Variants in SEPTIN4 observed in about 807,000 individuals in gnomAD.
The protein encoded by SEPTIN4 is septin 4.
A neutral mutation model predicts 107.1 loss-of-function variants in SEPTIN4; 52 were observed. The observed-to-expected ratio is 0.49, with a 90% CI of 0.39 to 0.61. SEPTIN4 has a LOEUF of 0.61. Ranked by LOEUF, SEPTIN4 falls within the 20% of genes least tolerant of loss-of-function variation. The pLI, the probability that SEPTIN4 is intolerant of heterozygous loss-of-function variation, is 0.00. For missense variants in SEPTIN4, 1,048 were observed against 1,243.5 expected (o/e 0.84, Z 2.36); for synonymous variants, 417 against 467.0 (o/e 0.89, Z 1.38).
At chr17:58,540,318 G>A (rs1016878162) in intron 3 of SEPTIN4, among the ~76,000 whole-genome samples, 6 of 152,118 alleles carry the variant, frequency 3.9e-5, no homozygotes, top group African/African-American at 9.7e-5. Flanking sequence ...CTGATCCAAC[G>A]GCTACCTAGA....
chr17:58,521,661 AGGGG>A lies in SEPTIN4; in HGVS notation c.2470-19_2470-16del, dbSNP rs1257209749. On this transcript the variant is annotated splice_polypyrimidine_tract_variant and intron_variant, in intron 9 of 13. Transcript: ENST00000672673. The surrounding 1 kb of genome is among the most constrained non-coding windows in gnomAD (Gnocchi z 6.4). The stretch of plus-strand genomic sequence containing the variant: ...TCCTCCCGGATCTGACAAACAGATG[AGGGG>A]CCCACAGTTCTGGGGACCACATCCT... The A allele has an allele frequency of 6.2e-7, 1 of 1,614,084 alleles. No individual in the cohort carries two copies. Among genetic ancestry groups the A allele is most frequent in the Non-Finnish European group, 8.5e-7 (1 of 1,179,916 alleles).
rs1324560916 is a variant in SEPTIN4 at position 58,543,935 on chromosome 17, A to C, written c.252T>G (p.Thr84=). Residue 84 remains threonine, a synonymous_variant, in exon 1 of 14, where the codon ACT becomes ACG. Coordinates refer to ENST00000672673, the MANE Select transcript of SEPTIN4 (RefSeq NM_001368771.2). ...QSGPGHYAVP[T]PRGPETGPRT... ...TTGGTCCAGTCTCGGGTCCCCGAGG[A>C]GTGGGTACTGCATAGTGTCCAGGTC... 5 of 1,613,840 alleles carry C rather than the reference A, an allele frequency of 3.1e-6. No homozygotes were observed. The South Asian group carries it at 5.5e-5, about 18-fold the overall frequency.
chr17:58,527,700 A>T, intron 3 of SEPTIN4: 1 of 349,580 alleles, frequency 2.9e-6, no homozygotes, highest in Non-Finnish European at 4.0e-6. Flanking sequence ...TGTGGGTGGG[A>T]GGCAGCTGGG....
intron 3 of SEPTIN4, chr17:58,529,427 A>G: frequency 7.2e-7 from 1 of 1,389,710 alleles, no homozygotes; most frequent in South Asian, 1.5e-5. Flanking sequence ...CAGCTGCAGC[A>G]GGATCACTTG....
At chr17:58,534,223 TA>T (rs2043633286) in intron 3 of SEPTIN4, among the ~76,000 whole-genome samples, 1 of 152,166 alleles carries the variant, frequency 6.6e-6, no homozygotes, top group African/African-American at 2.4e-5. Flanking sequence ...CTGGGTGAAA[TA>T]AAAGCTGAAG....
At chr17:58,523,159 C>G (rs2144036388) in intron 7 of SEPTIN4, among the ~76,000 whole-genome samples, 1 of 152,104 alleles carries the variant, frequency 6.6e-6, no homozygotes, top group Non-Finnish European at 1.5e-5. Context: ...ATCACTTGAG[C>G]CCAGGAGTTC....
In SEPTIN4 at chr17:58,538,486, A is replaced by G. The variant is rs145943312; in HGVS notation, c.1614+2180T>C. 6.6e-6 allele frequency among the ~76,000 whole-genome samples: 1 copy of G among 152,254 alleles called. No individual in the cohort carries two copies. The highest frequency in any genetic ancestry group is 1.9e-4 in the East Asian group (1 of 5,174). ...GAGGACACAGGATCTTGGGGCTAAC[A>G]CACCCTGTCCATCAAAGGCATTGCA... On this transcript the variant is annotated intron_variant, in intron 3 of 13. Coordinates refer to ENST00000672673, the MANE Select transcript of SEPTIN4 (RefSeq NM_001368771.2). This position sits in a 1 kb window ranked among gnomAD's most constrained non-coding sequence, Gnocchi z 4.7.
At chr17:58,532,331 GC>G (rs1482383898) in intron 3 of SEPTIN4, 1 of 161,378 alleles carries the variant, frequency 6.2e-6, no homozygotes, top group Non-Finnish European at 1.3e-5. Flanking sequence ...CACCGCGGGG[GC>G]TTGAGCCAGT....
In SEPTIN4 at chr17:58,532,494, T is replaced by TTAC. The variant is rs201879197; in HGVS notation, c.1615-5519_1615-5517dup. On this transcript the variant is annotated intron_variant, in intron 3 of 13. Coordinates refer to ENST00000672673, the MANE Select transcript of SEPTIN4 (RefSeq NM_001368771.2). ...AAAGTGAATCCGGCTGATGCCCAAG[T>TTAC]TACTGATCACTACACCTCCTAAAGG... is the stretch of plus-strand genomic sequence containing the variant. Among the ~76,000 whole-genome samples, 4 of 152,182 alleles carry TTAC rather than the reference T, an allele frequency of 2.6e-5. No individual in the cohort carries two copies. In the East Asian group the frequency reaches 7.7e-4, roughly 29 times the overall value.
At chr17:58,530,557 AG>A (rs1281172927) in intron 3 of SEPTIN4, 2 of 152,286 alleles carry the variant, frequency 1.3e-5, no homozygotes, top group Non-Finnish European at 2.9e-5. Flanking sequence ...GTTGGGGTGG[AG>A]GGGGGTGTGT....
Position 58,543,678 on chromosome 17 carries a change from G to C in SEPTIN4, c.509C>G (p.Ser170Ter). 6.2e-7 allele frequency: 1 copy of C among 1,614,196 alleles called. No individual in the cohort carries two copies. The highest frequency in any genetic ancestry group is 8.5e-7 in the Non-Finnish European group (1 of 1,180,008). The change falls in exon 1 of 14, where the codon TCA (serine) becomes TGA (stop). Residue 170 changes from serine to a stop codon, truncating the protein, a stop_gained. Transcript: ENST00000672673. LOFTEE classifies it high-confidence loss of function. ...SFQDQKNNLQ[S>*]QILEDDPPSK... Reference sequence around the variant, plus strand: ...TGGTGGGTCATCTTCTAAGATTTGTGATTGTAAGTTATTCTTCTGGTCTTG... The same window carrying C: ...TGGTGGGTCATCTTCTAAGATTTGTCATTGTAAGTTATTCTTCTGGTCTTG...
chr17:58,528,030 C>T (rs2043118745), intron 3 of SEPTIN4: 5 of 985,378 alleles, frequency 5.1e-6, no homozygotes, highest in Non-Finnish European at 4.8e-6. Context: ...CAGCCTCCTT[C>T]GTGGGGTGCC....
chr17:58,524,396 T>C (rs923654420), intron 7 of SEPTIN4, among the ~76,000 whole-genome samples: 1 of 152,158 alleles, frequency 6.6e-6, no homozygotes, highest in African/African-American at 2.4e-5. Flanking sequence ...TTCCTCACCT[T>C]TACCCTCCCT....
intron 12 of SEPTIN4, 42 bp from the exon 13 acceptor site, chr17:58,520,884 C>T: frequency 1.2e-6 from 2 of 1,613,786 alleles, no homozygotes; most frequent in Non-Finnish European, 1.7e-6. Context: ...AGGACCCCAG[C>T]ACCCGCTTAG....
At chr17:58,529,490 G>T in intron 3 of SEPTIN4, 1 of 1,261,260 alleles carries the variant, frequency 7.9e-7, no homozygotes, top group Non-Finnish European at 1.0e-6. Context: ...ACGCCTGCCT[G>T]CTGCCTACCC....
At chr17:58,525,345 T>A in intron 6 of SEPTIN4, 144 bp from the exon 7 acceptor site, 1 of 992,654 alleles carries the variant, frequency 1.0e-6, no homozygotes, top group Non-Finnish European at 1.5e-6. Context: ...GGGGGACTGT[T>A]CTCTGGGAAC....
At chr17:58,540,303 G>A (rs1374025319) in intron 3 of SEPTIN4, among the ~76,000 whole-genome samples, 1 of 152,148 alleles carries the variant, frequency 6.6e-6, no homozygotes, top group East Asian at 1.9e-4. Context: ...AGAACCAGGT[G>A]GGGACTGATC....
At chr17:58,520,598 A>T in intron 13 of SEPTIN4, 113 bp from the exon 14 acceptor site, 1 of 1,514,304 alleles carries the variant, frequency 6.6e-7, no homozygotes, top group South Asian at 1.1e-5. Context: ...GTGAGGTGTG[A>T]TGGAGACTCT....
chr17:58,535,774 C>A (rs1787206584), intron 3 of SEPTIN4, among the ~76,000 whole-genome samples: 1 of 152,234 alleles, frequency 6.6e-6, no homozygotes, highest in Admixed American at 6.5e-5. Flanking sequence ...CTGCTCACTT[C>A]AAATCAGCAA....
Sources: gnomAD v4.1 joint callset for allele counts (sites outside exome capture counted in the v4.1 genomes callset) on GRCh38, gnomAD v4.1.1 for gene constraint, Gnocchi (gnomAD v3.1) non-coding constraint, MANE v1.5 for transcripts, NCBI Gene and HGNC (gene_info 2026-07-23, HGNC 2026-07-21) for gene names.